Variants in ETS2 observed in about 807,000 individuals in gnomAD.
ETS2 encodes the protein protein C-ets-2.
Under a neutral mutation model 54.9 loss-of-function variants are expected in ETS2, and 19 were observed. That is an observed-to-expected ratio of 0.35 (90% CI 0.24 to 0.51). The LOEUF (loss-of-function observed/expected upper bound fraction) is 0.51. Among genes scored for constraint, ETS2 ranks in the 20% least tolerant of loss-of-function variants. The pLI, the probability that ETS2 is intolerant of heterozygous loss-of-function variation, is 0.97. For missense variants in ETS2, 417 were observed against 593.0 expected, an observed-to-expected ratio of 0.70 and a Z score of 3.08; for synonymous variants, 219 against 229.3, an observed-to-expected ratio of 0.95 and a Z score of 0.41.
chr21:38,810,879 G>A (rs1473570239), intron 2 of ETS2, among the ~76,000 whole-genome samples: 1 of 152,174 alleles, frequency 6.6e-6, no homozygotes, highest in Non-Finnish European at 1.5e-5. Context: ...TCATTATTGA[G>A]GTTATTTGTC....
intron 3 of ETS2, among the ~76,000 whole-genome samples, chr21:38,813,722 A>G (rs2060922154): frequency 6.6e-6 from 1 of 152,262 alleles, no homozygotes. Context: ...CAGAAAATTA[A>G]TTAAAACGCA....
intron 2 of ETS2, 30 bp from the exon 3 acceptor site, chr21:38,812,973 T>C: frequency 6.9e-7 from 1 of 1,445,172 alleles, no homozygotes; most frequent in Non-Finnish European, 9.7e-7. Context: ...AAATATTGTA[T>C]TTCCATTTTT....
At position 38,810,093 on chromosome 21, in the gene ETS2, G is replaced by A; in HGVS notation, c.59G>A (p.Arg20Lys). Residue 20 changes from arginine to lysine, a missense_variant, in exon 2 of 10, where the codon AGA becomes AAA. Physicochemically the swap from Arg to Lys is conservative, Grantham distance 26. Transcript: ENST00000360938. ...GTAGCCCCTGTGGCTAACAGTTACAGAGGGACACTCAAGGTGAGTGGGCAA... is the reference window on the plus strand; with the variant it reads ...GTAGCCCCTGTGGCTAACAGTTACAAAGGGACACTCAAGGTGAGTGGGCAA... The part of the protein sequence containing the change: ...DQVAPVANSY[R>K]GTLKRQPAFD... The A allele has an allele frequency of 6.5e-7, 1 of 1,550,370 alleles. No individual in the cohort carries two copies. Among genetic ancestry groups the A allele is most frequent in the Non-Finnish European group, 8.7e-7 (1 of 1,154,876 alleles).
At chr21:38,805,408 G>A (rs1394715484), upstream of ETS2, 1 of 1,288,672 alleles carries the variant, frequency 7.8e-7, no homozygotes, top group African/African-American at 1.5e-5. This position sits in a 1 kb window ranked among gnomAD's most constrained non-coding sequence, Gnocchi z 5.2. Context: ...GGTGCCACCA[G>A]CACCACTGCT....
At chr21:38,818,312 G>T (rs571412345) in intron 6 of ETS2, 113 bp from the exon 7 acceptor site, 1 of 1,449,382 alleles carries the variant, frequency 6.9e-7, no homozygotes, top group South Asian at 1.2e-5. Context: ...CTCCACTGAG[G>T]TTCTGCAGAG....
chr21:38,819,521 A>T lies in ETS2; in HGVS notation c.830A>T (p.Asp277Val). Residue 277 changes from aspartate (D) to valine (V), a missense_variant, in exon 8 of 10, where the codon GAC becomes GTC. Asp to Val is a radical substitution (Grantham distance 152). This residue lies in a region of ETS2 where 326 missense variants were observed against 426.1 expected (regional missense o/e 0.76). Coordinates refer to ENST00000360938, the MANE Select transcript of ETS2 (RefSeq NM_005239.6). ...TTGCCAGGGACTCCCAAAGACCACG[A>T]CTCCCCTGAGAACGGTGCGGACAGC... ...TNNSGTPKDH[D>V]SPENGADSFE... is the part of the protein sequence containing the mutation. The T allele has an allele frequency of 6.2e-7, 1 of 1,612,944 alleles. No homozygotes were observed. The highest frequency in any genetic ancestry group is 8.5e-7 in the Non-Finnish European group (1 of 1,179,708).
chr21:38,822,186 C>T (rs983773572), intron 9 of ETS2, among the ~76,000 whole-genome samples: 5 of 152,160 alleles, frequency 3.3e-5, no homozygotes, highest in Non-Finnish European at 7.3e-5. Flanking sequence ...GCCAGAAAAG[C>T]GTTAGAGAGA....
Position 38,810,125 on chromosome 21 carries a change from A to AT in ETS2, c.72+30dup, listed in dbSNP as rs760083655. ...ACTCAAGGTGAGTGGGCAAGTCTTA[A>AT]TTTTTTTTTTTAATTGGAAAACTCG... On this transcript the variant is annotated intron_variant, in intron 2 of 9. Transcript: ENST00000360938. 0.012 allele frequency: 14,540 copies of AT among 1,244,838 alleles called. No homozygotes were observed. The highest frequency in any genetic ancestry group is 0.013 in the South Asian group (790 of 60,622). 77.1% of individuals were successfully genotyped at this position (1,244,838 alleles called of 1,614,324 possible).
At position 38,805,965 on chromosome 21, in the gene ETS2, C is replaced by T. The variant is rs2060890502; in HGVS notation, c.-156C>T. 1.6e-6 allele frequency: 2 copies of T among 1,269,330 alleles called. No individual in the cohort carries two copies. The highest frequency in any genetic ancestry group is 2.5e-5 in the South Asian group (2 of 79,546). The allele number at this position is 1,269,330 out of a possible 1,614,324, so 78.6% of individuals were successfully genotyped here. On this transcript the variant is annotated 5_prime_UTR_variant, in exon 1 of 10. Transcript: ENST00000360938. This position sits in a 1 kb window ranked among gnomAD's most constrained non-coding sequence, Gnocchi z 5.2. ...CCAGAGACTGACGAGTGCGGTGTCGCTCCAGCTCAGAGCTCCCGGAGCCGC... is the reference window on the plus strand; with the variant it reads ...CCAGAGACTGACGAGTGCGGTGTCGTTCCAGCTCAGAGCTCCCGGAGCCGC...
rs2060962525 is a variant in ETS2, at chr21:38,822,582, A to T, written c.1195-92A>T. On this transcript the variant is annotated intron_variant, in intron 9 of 9. Transcript: ENST00000360938. ...GTGTCAAGTTCTCTCTAGAGTGAAC[A>T]TGCCTCAGAATCATAATCAGGGAGG... The T allele has an allele frequency of 2.6e-6, 3 of 1,152,214 alleles. No individual in the cohort carries two copies. In the South Asian group the frequency reaches 4.4e-5, roughly 17 times the overall value. The allele number at this position is 1,152,214 out of a possible 1,614,324, so 71.4% of individuals were successfully genotyped here.
upstream of ETS2, chr21:38,805,428 C>A (rs1159795323): frequency 5.4e-6 from 7 of 1,288,654 alleles, no homozygotes; most frequent in Admixed American, 1.1e-4. This position sits in a 1 kb window ranked among gnomAD's most constrained non-coding sequence, Gnocchi z 5.2. Flanking sequence ...TCCGTCGCTG[C>A]GGAATTCCAA....
At chr21:38,805,582 G>T (rs755565566), upstream of ETS2, 83 of 1,273,668 alleles carry the variant, frequency 6.5e-5, no homozygotes, top group African/African-American at 1.1e-3. The surrounding 1 kb of genome is among the most constrained non-coding windows in gnomAD (Gnocchi z 5.2). Flanking sequence ...GCCGGCGAGG[G>T]ACCCAGCCGA....
At chr21:38,820,516 G>A (rs1232708481) in intron 8 of ETS2, among the ~76,000 whole-genome samples, 1 of 152,122 alleles carries the variant, frequency 6.6e-6, no homozygotes, top group Non-Finnish European at 1.5e-5. Context: ...TCATTATTGG[G>A]AGTTTAGGGC....
chr21:38,805,252 C>A, upstream of ETS2: 1 of 1,010,240 alleles, frequency 9.9e-7, no homozygotes, highest in Non-Finnish European at 1.3e-6. This position sits in a 1 kb window ranked among gnomAD's most constrained non-coding sequence, Gnocchi z 5.2. Flanking sequence ...GACTCGGGGA[C>A]ACAGCCAGGG....
At chr21:38,819,237 T>TGTA (rs2123422348) in intron 7 of ETS2, among the ~76,000 whole-genome samples, 1 of 152,348 alleles carries the variant, frequency 6.6e-6, no homozygotes, top group African/African-American at 2.4e-5. Context: ...TGTTGTTGGA[T>TGTA]GTAGCAGCCA....
rs73450563 is a variant in ETS2 at position 38,815,303 on chromosome 21, T to C, written c.505+322T>C. ...GGGAGTCCATGTTGACTCAGATATG[T>C]AGGACAGCAAGAATTCCCACGTCTT... On this transcript the variant is annotated intron_variant, in intron 5 of 9. Transcript: ENST00000360938. 9.7e-3 allele frequency among the ~76,000 whole-genome samples: 1,474 copies of C among 152,170 alleles called. 24 individuals are homozygous for C. Among genetic ancestry groups the C allele is most frequent in the African/African-American group, 0.033 (1,378 of 41,484 alleles).
In ETS2 at chr21:38,813,137, C is replaced by A. The variant is rs748136694; in HGVS notation, c.184+23C>A. On this transcript the variant is annotated intron_variant, in intron 3 of 9. Transcript: ENST00000360938. Reference sequence around the variant, plus strand: ...ATGGTAATTGGTTCCTCAGACTTGACAAATTGTGCATGATTTTCCTAAGTA... The same window carrying A: ...ATGGTAATTGGTTCCTCAGACTTGAAAAATTGTGCATGATTTTCCTAAGTA... 51 of 1,422,264 alleles carry A rather than the reference C, an allele frequency of 3.6e-5. No individual in the cohort carries two copies. The Admixed American group carries it at 8.4e-4, about 23-fold the overall frequency. The allele number at this position is 1,422,264 out of a possible 1,614,324, so 88.1% of individuals were successfully genotyped here.
upstream of ETS2, chr21:38,805,508 G>T (rs1164115966): frequency 7.8e-7 from 1 of 1,287,824 alleles, no homozygotes; most frequent in Admixed American, 2.3e-5. This position sits in a 1 kb window ranked among gnomAD's most constrained non-coding sequence, Gnocchi z 5.2. Context: ...TCTCCGCCCG[G>T]CTCCCAGGGC....
At position 38,824,543 on chromosome 21, in the gene ETS2, CTG is replaced by C. The variant is rs1439442048; in HGVS notation, c.*1655_*1656del. ...TGTAAAGAATCCTCCTGTGATGAAA[CTG>C]AGGAATCGGGTGGCCGGGCAAGCTG... On this transcript the variant is annotated 3_prime_UTR_variant, in exon 10 of 10. Transcript: ENST00000360938. The C allele has an allele frequency of 2.0e-5, 3 of 152,324 alleles. No homozygotes were observed. The highest frequency in any genetic ancestry group is 7.2e-5 in the African/African-American group (3 of 41,450). The allele number at this position is 152,324 out of a possible 1,614,324, so 9.4% of individuals were successfully genotyped here. A position where few individuals can be genotyped will look rare whatever the true frequency, so the allele number is the denominator to read the frequency against.
Sources: gnomAD v4.1 joint callset for allele counts (sites outside exome capture counted in the v4.1 genomes callset) on GRCh38, gnomAD v4.1.1 for gene constraint, gnomAD v4.1.1 regional missense constraint, Gnocchi (gnomAD v3.1) non-coding constraint, MANE v1.5 for transcripts, NCBI Gene and HGNC (gene_info 2026-07-23, HGNC 2026-07-21) for gene names.